Variants in SYNRG observed in about 807,000 individuals in gnomAD.
SYNRG encodes AP1 gamma subunit binding protein 1.
A neutral mutation model predicts 130.9 loss-of-function variants in SYNRG; 37 were observed. The observed-to-expected ratio is 0.28, with a 90% CI of 0.22 to 0.37. SYNRG has a LOEUF of 0.37. Ranked by LOEUF, SYNRG falls within the 10% of genes least tolerant of loss-of-function variation. SYNRG has a pLI of 1.00. For synonymous variants in SYNRG, 539 were observed against 568.1 expected, an observed-to-expected ratio of 0.95 and a Z score of 0.73; for missense variants, 1,338 against 1,588.9, an observed-to-expected ratio of 0.84 and a Z score of 2.68.
chr17:37,565,031 A>G (rs2059818638), intron 11 of SYNRG, among the ~76,000 whole-genome samples: 1 of 152,230 alleles, frequency 6.6e-6, no homozygotes. Flanking sequence ...TGGGAGGCCG[A>G]GGCAGGCAGA....
Position 37,538,364 on chromosome 17 carries a change from T to A in SYNRG, c.3477A>T (p.Thr1159=). The change falls in exon 18 of 22, where the codon ACA becomes ACT. Residue 1159 remains threonine, a synonymous_variant. Coordinates refer to ENST00000612223, the MANE Select transcript of SYNRG (RefSeq NM_007247.6). The part of the protein sequence containing the change: ...LNGISSSSVC[T]EVIQSAQGME... ...TGCCTTGAGCTGACTGAATTACTTC[T>A]GTGCAAACAGAACTACTACTGATTC... The A allele has an allele frequency of 6.2e-7, 1 of 1,611,636 alleles. No individual in the cohort carries two copies. The highest frequency in any genetic ancestry group is 8.5e-7 in the Non-Finnish European group (1 of 1,179,400).
chr17:37,597,475 C>T (rs1273002912), intron 2 of SYNRG, among the ~76,000 whole-genome samples: 1 of 152,220 alleles, frequency 6.6e-6, no homozygotes, highest in African/African-American at 2.4e-5. Flanking sequence ...ATGACACATA[C>T]TATTTTGGAA....
rs1360062482 is a variant in SYNRG, at chr17:37,516,412, C to T, written c.*2528G>A. On this transcript the variant is annotated 3_prime_UTR_variant, in exon 22 of 22. Coordinates refer to ENST00000612223, the MANE Select transcript of SYNRG (RefSeq NM_007247.6). ...ACTTTTCATAGCAAAGGCTTTTTTT[C>T]TGTTGACATCTGCTGAATTTTCCTG... The T allele has an allele frequency of 1.3e-5, 2 of 152,070 alleles. No homozygotes were observed. The highest frequency in any genetic ancestry group is 3.8e-4 in the East Asian group (2 of 5,196). The allele number at this position is 152,070 out of a possible 1,614,324, so 9.4% of individuals were successfully genotyped here. A position where few individuals can be genotyped will look rare whatever the true frequency, so the allele number is the denominator to read the frequency against.
At chr17:37,592,152 A>T (rs1195267226) in intron 3 of SYNRG, among the ~76,000 whole-genome samples, 1 of 152,244 alleles carries the variant, frequency 6.6e-6, no homozygotes, top group Non-Finnish European at 1.5e-5. Context: ...ATGAAAAGGC[A>T]TTTCTCTGAA....
intron 15 of SYNRG, 102 bp downstream of exon 15, chr17:37,541,870 T>TA (rs764046212): frequency 1.5e-4 from 167 of 1,111,322 alleles, no homozygotes; most frequent in Non-Finnish European, 2.0e-4. Flanking sequence ...TAGAACAATC[T>TA]ATTTCCTGCG....
At chr17:37,537,917 G>A (rs1427210604) in intron 18 of SYNRG, among the ~76,000 whole-genome samples, 1 of 152,230 alleles carries the variant, frequency 6.6e-6, no homozygotes, top group Non-Finnish European at 1.5e-5. Context: ...TTTCCCGTTG[G>A]ACTGACACAT....
rs969668531 is a variant in SYNRG, at chr17:37,550,615, C to T, written c.2608+2500G>A. On this transcript the variant is annotated intron_variant, in intron 14 of 21. Coordinates refer to ENST00000612223, the MANE Select transcript of SYNRG (RefSeq NM_007247.6). ...GAATAAGCATGCAGATCAGTATTTG[C>T]AGAGGAATATACTAAAGTAAATTTG... 2.7e-5 allele frequency among the ~76,000 whole-genome samples: 4 copies of T among 148,950 alleles called. No individual in the cohort carries two copies. In the Admixed American group the frequency reaches 2.7e-4, roughly 10 times the overall value.
chr17:37,520,246 C>T (rs2054825906), intron 20 of SYNRG, 32 bp from the exon 21 acceptor site: 3 of 1,614,082 alleles, frequency 1.9e-6, no homozygotes, highest in Non-Finnish European at 2.5e-6. Context: ...AGGTCAACAA[C>T]ATTCCCAGAA....
chr17:37,580,911 C>A (rs1255126409), intron 6 of SYNRG, among the ~76,000 whole-genome samples: 2 of 152,128 alleles, frequency 1.3e-5, no homozygotes, highest in South Asian at 2.1e-4. Context: ...CTCAGGTGAT[C>A]CACCCACCTT....
At chr17:37,579,578 A>AT (rs1411047861) in intron 6 of SYNRG, 60 of 550,136 alleles carry the variant, frequency 1.1e-4, no homozygotes, top group African/African-American at 9.8e-4. Flanking sequence ...CAATAGTCAA[A>AT]TGGAATTGCA....
At chr17:37,569,695 CA>C (rs58479763) in intron 10 of SYNRG, among the ~76,000 whole-genome samples, 1,303 of 87,702 alleles carry the variant, frequency 0.015, 11 homozygotes, top group African/African-American at 0.032. Context: ...CAAAATGCTA[CA>C]AAAAAAAAAA....
At chr17:37,608,482 T>C (rs530104913) in intron 1 of SYNRG, among the ~76,000 whole-genome samples, 494 of 152,338 alleles carry the variant, frequency 3.2e-3, no homozygotes, top group African/African-American at 0.011. Flanking sequence ...ATAACGAATC[T>C]GTCAGCTTGT....
chr17:37,567,852 C>T (rs1332070764), intron 11 of SYNRG: 1 of 152,168 alleles, frequency 6.6e-6, no homozygotes, highest in Non-Finnish European at 1.5e-5. Context: ...CAAAGGAATT[C>T]ATATCGCTTA....
chr17:37,603,436 TC>T (rs567303300), intron 1 of SYNRG, among the ~76,000 whole-genome samples: 5 of 152,334 alleles, frequency 3.3e-5, no homozygotes, highest in African/African-American at 1.2e-4. Context: ...TGTGTCCAGT[TC>T]CATCAAAAGA....
intron 6 of SYNRG, among the ~76,000 whole-genome samples, chr17:37,584,158 G>A (rs2061529772): frequency 2.0e-5 from 3 of 152,000 alleles, no homozygotes; most frequent in African/African-American, 7.3e-5. Context: ...AATAAATGAT[G>A]ATAAAAATTA....
intron 17 of SYNRG, 29 bp from the exon 18 acceptor site, chr17:37,538,449 C>T (rs368116848): frequency 6.0e-6 from 9 of 1,495,356 alleles, no homozygotes; most frequent in Admixed American, 2.0e-5. Flanking sequence ...CATCACCTTA[C>T]ATAACTGAGA....
At chr17:37,531,505 G>A (rs1310890091) in intron 19 of SYNRG, among the ~76,000 whole-genome samples, 1 of 152,208 alleles carries the variant, frequency 6.6e-6, no homozygotes, top group East Asian at 1.9e-4. Context: ...GCTGGACACA[G>A]TGGCTCATGC....
rs769083540 is a variant in SYNRG at position 37,517,592 on chromosome 17, A to G, written c.*1348T>C. ...AGAACATGGAAAAGCTGTAAGATGG[A>G]GCAAGACAGAATTTGTCCTGAGAGG... is the stretch of plus-strand genomic sequence containing the variant. On this transcript the variant is annotated 3_prime_UTR_variant, in exon 22 of 22. Coordinates refer to ENST00000612223, the MANE Select transcript of SYNRG (RefSeq NM_007247.6). The G allele has an allele frequency of 1.3e-5, 2 of 152,154 alleles. No individual in the cohort carries two copies. Among genetic ancestry groups the G allele is most frequent in the African/African-American group, 2.4e-5 (1 of 41,430 alleles). The allele number at this position is 152,154 out of a possible 1,614,324, so 9.4% of individuals were successfully genotyped here. A position where few individuals can be genotyped will look rare whatever the true frequency, so the allele number is the denominator to read the frequency against.
At position 37,553,669 on chromosome 17, in the gene SYNRG, A is replaced by G. The variant is rs543719814; in HGVS notation, c.2054T>C (p.Val685Ala). The change falls in exon 14 of 22, where the codon GTT becomes GCT. Residue 685 changes from valine to alanine, a missense_variant. Physicochemically the swap from Val to Ala is moderately conservative, Grantham distance 64 (BLOSUM62 0). Around this residue, in one of 3 missense-constraint regions of SYNRG, gnomAD observed 1,146 missense variants for 1,342.3 expected, o/e 0.85. Transcript: ENST00000612223. ...LFGEYSGLAP[V>A]GEQDDFADFM... Reference sequence around the variant, plus strand: ...ATCTGCAAAGTCATCCTGCTCCCCAACAGGTGCTAGACCAGAATATTCCCC... The same window carrying G: ...ATCTGCAAAGTCATCCTGCTCCCCAGCAGGTGCTAGACCAGAATATTCCCC... The G allele has an allele frequency of 1.5e-5, 24 of 1,614,090 alleles. 1 individual carries two copies. The African/African-American group carries it at 2.1e-4, about 14-fold the overall frequency.
Sources: allele counts gnomAD v4.1 joint callset (sites outside exome capture counted in the v4.1 genomes callset), GRCh38; gene constraint gnomAD v4.1.1; regional missense constraint gnomAD v4.1.1; transcripts MANE v1.5; gene names NCBI Gene and HGNC (gene_info 2026-07-23, HGNC 2026-07-21).